The following TEX11 variants were observed in gnomAD, a reference collection of about 807,000 sequenced individuals.
TEX11 encodes testis-expressed protein 11.
TEX11 carries 7 observed loss-of-function variants against 84.4 expected under a neutral mutation model. The observed-to-expected ratio is 0.08, with a 90% CI of 0.05 to 0.16. TEX11 has a LOEUF of 0.16. TEX11 is among the 10% of genes least tolerant of loss of function. The probability of loss-of-function intolerance (pLI) is 1.00; values close to 1 mark genes in which losing one functional copy is unlikely to be tolerated. For missense variants in TEX11, 551 were observed against 660.5 expected (o/e 0.83, Z 1.82); for synonymous variants, 264 against 222.8 (o/e 1.18, Z -1.64).
intron 25 of TEX11, among the ~76,000 whole-genome samples, chrX:70,563,734 G>A (rs2088410019): frequency 1.8e-5 from 2 of 112,092 alleles, no homozygotes; most frequent in Non-Finnish European, 3.8e-5. Context: ...GTCATGAATG[G>A]GTATGGAATT....
At chrX:70,715,189 T>A (rs1205337678) in intron 13 of TEX11, among the ~76,000 whole-genome samples, 1 of 108,324 alleles carries the variant, frequency 9.2e-6, no homozygotes, top group African/African-American at 3.6e-5. Flanking sequence ...CTTCCCTTTG[T>A]GGGCAACCCG....
intron 9 of TEX11, among the ~76,000 whole-genome samples, chrX:70,803,729 A>C (rs2091202196): frequency 8.9e-6 from 1 of 112,259 alleles, no homozygotes. Context: ...CTCATTTTCC[A>C]TGACCTCCTT....
intron 20 of TEX11, among the ~76,000 whole-genome samples, chrX:70,613,319 T>C (rs897372907): frequency 1.8e-5 from 2 of 111,869 alleles, no homozygotes; most frequent in African/African-American, 3.3e-5. Flanking sequence ...CAGTCTTTAA[T>C]CACCAATGCC....
chrX:70,579,496 CAAAAACAA>C (rs1268893747), intron 25 of TEX11, among the ~76,000 whole-genome samples: 2 of 60,738 alleles, frequency 3.3e-5, no homozygotes, highest in Non-Finnish European at 6.0e-5. Flanking sequence ...GACTCCGTCT[CAAAAACAA>C]AAAAACAAAA....
chrX:70,826,563 C>T (rs1477110327), intron 8 of TEX11, among the ~76,000 whole-genome samples: 1 of 111,920 alleles, frequency 8.9e-6, no homozygotes, highest in Non-Finnish European at 1.9e-5. Flanking sequence ...TCCCTGGCAG[C>T]AGCTATGCAG....
At chrX:70,653,540 A>G (rs2089831825) in intron 16 of TEX11, among the ~76,000 whole-genome samples, 1 of 112,240 alleles carries the variant, frequency 8.9e-6, no homozygotes, top group Non-Finnish European at 1.9e-5. Flanking sequence ...CTTTAACGAC[A>G]TATAATGCTG....
chrX:70,569,054 A>C (rs1334623176), intron 25 of TEX11, among the ~76,000 whole-genome samples: 6 of 111,982 alleles, frequency 5.4e-5, no homozygotes, highest in Non-Finnish European at 1.1e-4. Context: ...AATCAGATGC[A>C]GATTTGGTCT....
At chrX:70,627,285 C>T (rs911885169) in intron 18 of TEX11, among the ~76,000 whole-genome samples, 2 of 111,968 alleles carry the variant, frequency 1.8e-5, no homozygotes, top group Non-Finnish European at 3.8e-5. Context: ...AAGAGGTTTT[C>T]TTACTTTTTG....
At chrX:70,666,292 T>TTTGAAA (rs946390319) in intron 16 of TEX11, among the ~76,000 whole-genome samples, 1 of 111,763 alleles carries the variant, frequency 8.9e-6, no homozygotes, top group African/African-American at 3.3e-5. Context: ...AATTTTAAGC[T>TTTGAAA]AGGCTTTGAA....
chrX:70,791,732 A>G (rs1167373940), intron 9 of TEX11, among the ~76,000 whole-genome samples: 1 of 112,402 alleles, frequency 8.9e-6, no homozygotes, highest in East Asian at 2.8e-4. Context: ...AATTACCTGG[A>G]AATTAAGCAC....
chrX:70,592,168 A>G (rs1457904756), intron 24 of TEX11, among the ~76,000 whole-genome samples: 1 of 111,786 alleles, frequency 8.9e-6, no homozygotes, highest in Non-Finnish European at 1.9e-5. Context: ...ATTAGAAAAC[A>G]TAATCATGTA....
At chrX:70,771,337 GTTATA>G (rs1335117739) in intron 9 of TEX11, among the ~76,000 whole-genome samples, 1 of 112,032 alleles carries the variant, frequency 8.9e-6, no homozygotes, top group Admixed American at 9.4e-5. Context: ...TATGGTCAAT[GTTATA>G]TTATTTTTTA....
chrX:70,854,208 C>A lies in TEX11; in HGVS notation c.325-880G>T, dbSNP rs5981014. On this transcript the variant is annotated intron_variant, in intron 5 of 29. Transcript: ENST00000374333. ...TAGCAGATGGAAACATACAGAGATA[C>A]CAAATTATAATCCACAGAGTTAAAT... Among the ~76,000 whole-genome samples, 974 of 111,301 alleles carry A rather than the reference C, an allele frequency of 8.8e-3. 13 individuals carry two copies. The highest frequency in any genetic ancestry group is 0.03 in the African/African-American group (921 of 30,589).
At chrX:70,750,778 G>C (rs1373595388) in intron 9 of TEX11, among the ~76,000 whole-genome samples, 1 of 101,558 alleles carries the variant, frequency 9.8e-6, no homozygotes, top group Non-Finnish European at 2.0e-5. Flanking sequence ...CTGTGGGGTG[G>C]GGGTAGGGGG....
intron 13 of TEX11, among the ~76,000 whole-genome samples, chrX:70,703,930 G>A (rs999200022): frequency 3.6e-5 from 4 of 111,522 alleles, no homozygotes; most frequent in Non-Finnish European, 1.9e-5. Context: ...TCTCACGTTC[G>A]ATTGTAGTCT....
chrX:70,836,421 G>A (rs1263966111), intron 7 of TEX11, among the ~76,000 whole-genome samples: 1 of 111,734 alleles, frequency 8.9e-6, no homozygotes, highest in Non-Finnish European at 1.9e-5. Context: ...ATATTTATCT[G>A]ACAAGGGAAT....
At chrX:70,860,798 T>C in intron 5 of TEX11, 59 bp downstream of exon 5, 1 of 868,603 alleles carries the variant, frequency 1.2e-6, no homozygotes, top group East Asian at 3.3e-5. Context: ...ACTTTACCAT[T>C]TTCATAGAAG....
rs2091390051 is a variant in TEX11, at chrX:70,833,715, A to T, written c.526-122T>A. On this transcript the variant is annotated intron_variant, in intron 7 of 29. Transcript: ENST00000374333. ...TATTTTGTTTTCTAATATTTTTAGCAATACTAGTTGTTCAAGCTAAACAGA... is the reference window on the plus strand; with the variant it reads ...TATTTTGTTTTCTAATATTTTTAGCTATACTAGTTGTTCAAGCTAAACAGA... The T allele has an allele frequency of 7.6e-6, 4 of 528,159 alleles. No individual in the cohort carries two copies. The South Asian group carries it at 9.0e-5, about 12-fold the overall frequency. 43.5% of individuals were successfully genotyped at this position (528,159 alleles called of 1,213,427 possible).
chrX:70,606,947 A>T lies in TEX11; in HGVS notation c.1950+12T>A, dbSNP rs750087936. The T allele has an allele frequency of 1.7e-6, 2 of 1,156,808 alleles. No homozygotes were observed. Reference sequence around the variant, plus strand: ...TGGTCCATACATGAGATACTTATTAAAAGAAACTTACCTTATAAGAAAGTA... The same window carrying T: ...TGGTCCATACATGAGATACTTATTATAAGAAACTTACCTTATAAGAAAGTA... On this transcript the variant is annotated intron_variant, in intron 23 of 29. Transcript: ENST00000374333.
Sources: gnomAD v4.1 joint callset for allele counts (sites outside exome capture counted in the v4.1 genomes callset) on GRCh38, gnomAD v4.1.1 for gene constraint, MANE v1.5 for transcripts, NCBI Gene and HGNC (gene_info 2026-07-23, HGNC 2026-07-21) for gene names.